The following FRY variants were observed in gnomAD, a reference collection of about 807,000 sequenced individuals.
The protein encoded by FRY is FRY microtubule binding protein, also known as protein furry homolog.
In FRY, 128 loss-of-function variants were observed where a neutral mutation model predicts 348.4. The ratio of observed to expected loss-of-function variants is 0.37; its 90% CI spans 0.32 to 0.43. The LOEUF is 0.43. Among genes scored for constraint, FRY ranks in the 20% least tolerant of loss-of-function variants. The pLI is 1.00. For missense variants in FRY, 2,736 were observed against 3,695.2 expected (o/e 0.74, Z 6.73); for synonymous variants, 1,370 against 1,374.7 (o/e 1.00, Z 0.08).
chr13:32,207,220 C>T (rs1298012972), intron 31 of FRY, among the ~76,000 whole-genome samples: 1 of 152,130 alleles, frequency 6.6e-6, no homozygotes, highest in East Asian at 1.9e-4. Flanking sequence ...TTTTGAATAA[C>T]TGCTCTCTCT....
chr13:32,084,630 C>CA (rs1276322776), intron 2 of FRY, among the ~76,000 whole-genome samples: 2 of 152,228 alleles, frequency 1.3e-5, no homozygotes, highest in African/African-American at 4.8e-5. Flanking sequence ...TTCTGTCTTG[C>CA]AAACTATTCT....
Position 32,171,072 on chromosome 13 carries a change from A to G in FRY, c.1953A>G (p.Leu651=). Residue 651 remains leucine (L), a synonymous_variant, in exon 18 of 61, where the codon TTA becomes TTG. Transcript: ENST00000542859. ...TTGCACAAAATTCTCTTCAGGGTTTACTTGTTGACTTCTCAGATTGGAGGG... is the reference window on the plus strand; with the variant it reads ...TTGCACAAAATTCTCTTCAGGGTTTGCTTGTTGACTTCTCAGATTGGAGGG... ...RHIAQNSLQG[L]LVDFSDWRED... 6.2e-7 allele frequency: 1 copy of G among 1,611,320 alleles called. No homozygotes were observed. Among genetic ancestry groups the G allele is most frequent in the South Asian group, 1.1e-5 (1 of 91,034 alleles).
rs529560094 is a variant in FRY at position 32,207,110 on chromosome 13, A to T, written c.4019-1743A>T. 1.1e-4 allele frequency among the ~76,000 whole-genome samples: 16 copies of T among 152,338 alleles called. No homozygotes were observed. The South Asian group carries it at 2.9e-3, about 28-fold the overall frequency. On this transcript the variant is annotated intron_variant, in intron 31 of 60. Coordinates refer to ENST00000542859, the MANE Select transcript of FRY (RefSeq NM_023037.3). ...CCCTCTTGGTGCTATTATCTGTCAG[A>T]CAAAATGCAATTAACATAATAAACA...
chr13:32,145,048 A>C (rs1880315893), intron 11 of FRY, among the ~76,000 whole-genome samples: 1 of 152,164 alleles, frequency 6.6e-6, no homozygotes, highest in African/African-American at 2.4e-5. Flanking sequence ...AAGATTCAGG[A>C]ATGGGGGTGG....
rs80036857 is a variant in FRY at position 32,047,917 on chromosome 13, A to C, written c.70+16052A>C. 5.2e-4 allele frequency among the ~76,000 whole-genome samples: 79 copies of C among 152,078 alleles called. No individual in the cohort carries two copies. In the East Asian group the frequency reaches 0.015, roughly 29 times the overall value. ...GAGCATTTATGTGAATTAAACCTGA[A>C]GCGTGAGCTTTTTGGATTTGGACCA... On this transcript the variant is annotated intron_variant, in intron 1 of 60. Transcript: ENST00000542859.
intron 1 of FRY, among the ~76,000 whole-genome samples, chr13:32,041,532 G>A (rs941226408): frequency 2.0e-5 from 3 of 152,020 alleles, no homozygotes; most frequent in Non-Finnish European, 4.4e-5. Context: ...GACCTCAAGG[G>A]ATTACAGGCA....
intron 1 of FRY, among the ~76,000 whole-genome samples, chr13:32,055,299 T>C (rs1283712944): frequency 3.9e-5 from 6 of 152,124 alleles, no homozygotes; most frequent in Non-Finnish European, 8.8e-5. Context: ...CACCTCGACC[T>C]CCCAAAGTGG....
chr13:32,261,600 G>A lies in FRY; in HGVS notation c.7417-16G>A. On this transcript the variant is annotated splice_polypyrimidine_tract_variant and intron_variant, in intron 51 of 60. Coordinates refer to ENST00000542859, the MANE Select transcript of FRY (RefSeq NM_023037.3). ...AGGATTTTGGCATAAAAAACCGGCT[G>A]ATGGTGTGATTTCAGGGTGAGAGTA... The A allele has an allele frequency of 6.2e-7, 1 of 1,611,948 alleles. No homozygotes were observed. Among genetic ancestry groups the A allele is most frequent in the East Asian group, 2.2e-5 (1 of 44,872 alleles).
intron 2 of FRY, among the ~76,000 whole-genome samples, chr13:32,088,268 A>G (rs2138572683): frequency 6.6e-6 from 1 of 152,366 alleles, no homozygotes; most frequent in South Asian, 2.1e-4. Flanking sequence ...GTGTAGTGAT[A>G]GAATCAAAGC....
chr13:32,122,038 C>A (rs1483470013), intron 4 of FRY, among the ~76,000 whole-genome samples: 3 of 152,078 alleles, frequency 2.0e-5, no homozygotes, highest in African/African-American at 7.2e-5. Context: ...AAAAGGGTGC[C>A]CTCTCCCTAC....
chr13:32,093,259 A>C (rs991445130), intron 2 of FRY, among the ~76,000 whole-genome samples: 1 of 152,168 alleles, frequency 6.6e-6, no homozygotes, highest in Non-Finnish European at 1.5e-5. Context: ...AACATCATCA[A>C]ATCTCCCATG....
chr13:32,176,793 T>A (rs890295598), intron 20 of FRY, among the ~76,000 whole-genome samples: 6 of 151,644 alleles, frequency 4.0e-5, no homozygotes, highest in Non-Finnish European at 7.4e-5. Flanking sequence ...GGGGAGAGAG[T>A]AATGGGAGAA....
Position 32,272,109 on chromosome 13 carries a change from G to A in FRY, c.8137-2733G>A, listed in dbSNP as rs189050395. Among the ~76,000 whole-genome samples the A allele has an allele frequency of 1.7e-4, 26 of 152,274 alleles. No homozygotes were observed. In the East Asian group the frequency reaches 3.1e-3, roughly 18 times the overall value. ...AACCCTGATCAGATGCTATATGAAA[G>A]TAATACTTGAAGCAAAATAGGCATT... On this transcript the variant is annotated intron_variant, in intron 55 of 60. Transcript: ENST00000542859.
At chr13:32,243,230 A>G (rs1886606948) in intron 46 of FRY, among the ~76,000 whole-genome samples, 1 of 152,290 alleles carries the variant, frequency 6.6e-6, no homozygotes, top group South Asian at 2.1e-4. Context: ...GATATCCTCC[A>G]CTGCCTTTAA....
chr13:32,281,954 T>C lies in FRY; in HGVS notation c.8469+3406T>C, dbSNP rs552986455. On this transcript the variant is annotated intron_variant, in intron 58 of 60. Coordinates refer to ENST00000542859, the MANE Select transcript of FRY (RefSeq NM_023037.3). ...AGCCTTGAGGCATGGCTAGGCACCA[T>C]GCAGAGTACACAAATCAGGCAGCCT... is the stretch of plus-strand genomic sequence containing the variant. Among the ~76,000 whole-genome samples, 5 of 152,264 alleles carry C rather than the reference T, an allele frequency of 3.3e-5. No homozygotes were observed. The South Asian group carries it at 1.0e-3, about 32-fold the overall frequency.
intron 8 of FRY, among the ~76,000 whole-genome samples, chr13:32,133,412 CTG>C (rs1292454791): frequency 6.6e-6 from 1 of 152,102 alleles, no homozygotes; most frequent in African/African-American, 2.4e-5. Context: ...CACTCAGTAA[CTG>C]TTAAATATTT....
Position 32,179,734 on chromosome 13 carries a change from A to T in FRY, c.2931A>T (p.Leu977=), listed in dbSNP as rs1338051967. The change falls in exon 23 of 61, where the codon CTA becomes CTT. Residue 977 remains leucine (L), a synonymous_variant. Transcript: ENST00000542859. ...AGCAGTTGGTGCCTTTGATGAGACT[A>T]GAGAGCATTGAGATCACAGAGTCCT... ...LLKQLVPLMR[L]ESIEITESLV... 1 of 1,613,418 alleles carries T rather than the reference A, an allele frequency of 6.2e-7. No homozygotes were observed. Among genetic ancestry groups the T allele is most frequent in the East Asian group, 2.2e-5 (1 of 44,894 alleles).
In FRY at chr13:32,209,175, T is replaced by A. The variant is rs1053465344; in HGVS notation, c.4275+66T>A. The A allele has an allele frequency of 5.8e-6, 9 of 1,561,132 alleles. No individual in the cohort carries two copies. In the African/African-American group the frequency reaches 1.1e-4, roughly 19 times the overall value. ...TCATCAGAAAAAAACCCTGGGTTAGTCAAACCCCGGGGAAAATGGGATTCC... is the reference window on the plus strand; with the variant it reads ...TCATCAGAAAAAAACCCTGGGTTAGACAAACCCCGGGGAAAATGGGATTCC... On this transcript the variant is annotated intron_variant, in intron 32 of 60. Coordinates refer to ENST00000542859, the MANE Select transcript of FRY (RefSeq NM_023037.3).
chr13:32,166,254 CTTAA>C lies in FRY; in HGVS notation c.1893-4755_1893-4752del, dbSNP rs376738382. ...TTCTCTTAAAGTCTTTCTGTTCCCTCTTAATTGTTGCCACCAAACTCTCTCAAAG... is the reference window on the plus strand; with the variant it reads ...TTCTCTTAAAGTCTTTCTGTTCCCTCTTGTTGCCACCAAACTCTCTCAAAG... On this transcript the variant is annotated intron_variant, in intron 17 of 60. Transcript: ENST00000542859. 1.5e-4 allele frequency among the ~76,000 whole-genome samples: 23 copies of C among 152,344 alleles called. 1 individual carries two copies. The highest frequency in any genetic ancestry group is 5.5e-4 in the African/African-American group (23 of 41,592).
Sources: gnomAD v4.1 joint callset for allele counts (sites outside exome capture counted in the v4.1 genomes callset) on GRCh38, gnomAD v4.1.1 for gene constraint, MANE v1.5 for transcripts, NCBI Gene and HGNC (gene_info 2026-07-23, HGNC 2026-07-21) for gene names.